Variants in NDEL1 observed in about 807,000 individuals in gnomAD.
NDEL1 encodes nudE neurodevelopment protein 1 like 1.
In NDEL1, 9 loss-of-function variants were observed where a neutral mutation model predicts 45.7. That is an observed-to-expected ratio of 0.20 (90% CI 0.12 to 0.34). NDEL1 has a LOEUF of 0.34. NDEL1 is among the 10% of genes least tolerant of loss of function. The pLI is 1.00. For missense variants in NDEL1, 306 were observed against 406.2 expected (o/e 0.75, Z 2.12); for synonymous variants, 133 against 158.6 (o/e 0.84, Z 1.21).
chr17:8,419,624 T>A (rs1908652157), intron 1 of NDEL1, among the ~76,000 whole-genome samples: 1 of 152,198 alleles, frequency 6.6e-6, no homozygotes, highest in Admixed American at 6.5e-5. Flanking sequence ...CCTCTCTTGA[T>A]CACGACCCCA....
At chr17:8,428,871 C>T (rs1368134111) in intron 1 of NDEL1, among the ~76,000 whole-genome samples, 1 of 151,702 alleles carries the variant, frequency 6.6e-6, no homozygotes, top group Non-Finnish European at 1.5e-5. Flanking sequence ...GACGGGGTTT[C>T]ACCGTGTTAG....
In NDEL1 at chr17:8,467,028, C is replaced by G. The variant is rs1298937310; in HGVS notation, c.*5C>G. The G allele has an allele frequency of 6.2e-7, 1 of 1,613,980 alleles. No homozygotes were observed. Among genetic ancestry groups the G allele is most frequent in the Non-Finnish European group, 8.5e-7 (1 of 1,179,948 alleles). On this transcript the variant is annotated 3_prime_UTR_variant, in exon 9 of 9. Transcript: ENST00000334527. The surrounding 1 kb of genome is among the most constrained non-coding windows in gnomAD (Gnocchi z 6.3). Reference sequence around the variant, plus strand: ...ATGCTGCCTCTCAGTGTGTGAGTGCCTAGCCTCCAGGTGGGGGCTCCTGCC... The same window carrying G: ...ATGCTGCCTCTCAGTGTGTGAGTGCGTAGCCTCCAGGTGGGGGCTCCTGCC...
chr17:8,458,358 CT>C (rs974079570), intron 7 of NDEL1, among the ~76,000 whole-genome samples: 1 of 152,112 alleles, frequency 6.6e-6, no homozygotes. Flanking sequence ...TCATCCACCC[CT>C]GGGTGTGGAT....
rs1472013287 is a variant in NDEL1 at position 8,435,910 on chromosome 17, G to C, written c.-148G>C. 1 of 447,914 alleles carries C rather than the reference G, an allele frequency of 2.2e-6. No homozygotes were observed. The highest frequency in any genetic ancestry group is 4.5e-6 in the Non-Finnish European group (1 of 223,314). 27.7% of individuals were successfully genotyped at this position (447,914 alleles called of 1,614,324 possible). A position where few individuals can be genotyped will look rare whatever the true frequency, so the allele number is the denominator to read the frequency against. On this transcript the variant is annotated 5_prime_UTR_variant, in exon 1 of 9. Transcript: ENST00000334527. ...GTCCCTGACGTGTCGGGGAGGAGCC[G>C]GGCGCGGAGGTACGCTGAGTGGAGC...
intron 1 of NDEL1, among the ~76,000 whole-genome samples, chr17:8,430,503 T>C (rs1167899159): frequency 6.6e-6 from 1 of 152,142 alleles, no homozygotes; most frequent in African/African-American, 2.4e-5. Context: ...TGTACCCAGA[T>C]CTCTCTTAGG....
downstream of NDEL1, among the ~76,000 whole-genome samples, chr17:8,469,745 C>T (rs1330652692): frequency 6.6e-6 from 1 of 151,520 alleles, no homozygotes; most frequent in Non-Finnish European, 1.5e-5. Context: ...GCTCTGTCGC[C>T]CAGGCTGGAG....
intron 1 of NDEL1, among the ~76,000 whole-genome samples, chr17:8,416,923 T>A (rs1369346016): frequency 6.6e-6 from 1 of 152,206 alleles, no homozygotes. Flanking sequence ...ATGAATATTT[T>A]AATTTCAACC....
intron 6 of NDEL1, among the ~76,000 whole-genome samples, chr17:8,453,184 T>G (rs1171698025): frequency 6.6e-6 from 1 of 152,234 alleles, no homozygotes; most frequent in East Asian, 1.9e-4. Flanking sequence ...TATATCACGT[T>G]GAGCGCCTGT....
At chr17:8,413,621 C>T (rs1416874438) in intron 1 of NDEL1, among the ~76,000 whole-genome samples, 2 of 152,138 alleles carry the variant, frequency 1.3e-5, no homozygotes, top group Non-Finnish European at 2.9e-5. Context: ...TATCTGGAGC[C>T]AACAGAGACA....
chr17:8,448,757 A>T, intron 5 of NDEL1, 71 bp downstream of exon 5: 2 of 1,406,950 alleles, frequency 1.4e-6, no homozygotes, highest in Non-Finnish European at 1.9e-6. Flanking sequence ...GGGCCCACTT[A>T]TACTCTGATT....
chr17:8,447,837 CAGATGCGGAGCTA>C (rs1159507076), intron 4 of NDEL1, among the ~76,000 whole-genome samples: 1 of 152,148 alleles, frequency 6.6e-6, no homozygotes, highest in African/African-American at 2.4e-5. Context: ...GCTAAACTTA[CAGATGCGGAGCTA>C]GTCTGGTCAC....
intron 8 of NDEL1, among the ~76,000 whole-genome samples, chr17:8,463,903 GC>G (rs559865109): frequency 1.9e-3 from 297 of 152,354 alleles, no homozygotes; most frequent in African/African-American, 6.9e-3. Flanking sequence ...ACTGGAGCAG[GC>G]TGGAGCTGCT....
upstream of NDEL1, among the ~76,000 whole-genome samples, chr17:8,432,746 G>C (rs1015569739): frequency 2.0e-5 from 3 of 152,076 alleles, no homozygotes; most frequent in Non-Finnish European, 4.4e-5. Flanking sequence ...GGACTGTAAG[G>C]TGATGTCTAC....
chr17:8,423,458 CA>C (rs1427527556), intron 1 of NDEL1, among the ~76,000 whole-genome samples: 8 of 152,204 alleles, frequency 5.3e-5, no homozygotes, highest in African/African-American at 1.9e-4. Context: ...CTGAGACGGG[CA>C]GATTGCCTGA....
chr17:8,448,415 C>A, intron 4 of NDEL1, 135 bp from the exon 5 acceptor site: 1 of 873,270 alleles, frequency 1.1e-6, no homozygotes, highest in Non-Finnish European at 1.8e-6. Context: ...CAGGAAGGGG[C>A]AAGATCATCT....
At chr17:8,450,374 C>G (rs1004763760) in intron 5 of NDEL1, among the ~76,000 whole-genome samples, 3 of 151,662 alleles carry the variant, frequency 2.0e-5, no homozygotes, top group Non-Finnish European at 2.9e-5. Flanking sequence ...GTAAATATTT[C>G]ATAGTGATAA....
At chr17:8,440,420 A>G (rs1348007923) in intron 1 of NDEL1, among the ~76,000 whole-genome samples, 1 of 152,044 alleles carries the variant, frequency 6.6e-6, no homozygotes, top group Non-Finnish European at 1.5e-5. Context: ...AGGCCGAGGC[A>G]AGAGAATTGC....
At chr17:8,436,259 G>T (rs1037119541) in intron 1 of NDEL1, 29 of 183,922 alleles carry the variant, frequency 1.6e-4, no homozygotes, top group Non-Finnish European at 1.7e-4. Context: ...CCCCCCAGGG[G>T]CGCCTGCAAG....
chr17:8,456,073 C>T (rs531016307), intron 7 of NDEL1, among the ~76,000 whole-genome samples: 4 of 152,316 alleles, frequency 2.6e-5, no homozygotes, highest in African/African-American at 9.6e-5. Context: ...TCTACTACCC[C>T]CTTCACTTAT....
Sources: allele counts gnomAD v4.1 joint callset (sites outside exome capture counted in the v4.1 genomes callset), GRCh38; gene constraint gnomAD v4.1.1; non-coding constraint Gnocchi (gnomAD v3.1); transcripts MANE v1.5; gene names NCBI Gene and HGNC (gene_info 2026-07-23, HGNC 2026-07-21).